The following ZMYM1 variants were observed in gnomAD, a reference collection of about 807,000 sequenced individuals.
ZMYM1 encodes zinc finger MYM-type containing 1, also known as zinc finger MYM-type protein 1.
ZMYM1 carries 39 observed loss-of-function variants against 60.0 expected under a neutral mutation model. That is an observed-to-expected ratio of 0.65 (90% CI 0.50 to 0.85). ZMYM1 has a LOEUF of 0.85. Among genes scored for constraint, ZMYM1 ranks in the 40% least tolerant of loss-of-function variants. ZMYM1 has a pLI of 0.00. For missense variants in ZMYM1, 1,171 were observed against 1,309.5 expected (o/e 0.89, Z 1.63); for synonymous variants, 413 against 454.0 (o/e 0.91, Z 1.15).
At chr1:35,087,157 A>G (rs925839225) in intron 1 of ZMYM1, among the ~76,000 whole-genome samples, 1 of 150,108 alleles carries the variant, frequency 6.7e-6, no homozygotes, top group Non-Finnish European at 1.5e-5. Context: ...CACCTGACTA[A>G]TTTTTTGAAT....
At chr1:35,092,418 T>C (rs1643073441) in intron 1 of ZMYM1, among the ~76,000 whole-genome samples, 1 of 150,900 alleles carries the variant, frequency 6.6e-6, no homozygotes. Flanking sequence ...TTTTTGTATT[T>C]TTAGTAGAGA....
chr1:35,067,646 G>A (rs536573040), intron 1 of ZMYM1, among the ~76,000 whole-genome samples: 21 of 152,120 alleles, frequency 1.4e-4, no homozygotes, highest in Middle Eastern at 3.4e-3. Context: ...AGGCCGAGGT[G>A]GGTGGATCAC....
At chr1:35,097,647 C>CT (rs1435252482) in intron 4 of ZMYM1, 81 bp downstream of exon 4, 1 of 1,553,512 alleles carries the variant, frequency 6.4e-7, no homozygotes, top group Non-Finnish European at 8.8e-7. Context: ...TCTACATTTT[C>CT]TTTTTTTATT....
chr1:35,103,045 G>A (rs1438908201), intron 4 of ZMYM1, among the ~76,000 whole-genome samples: 1 of 152,148 alleles, frequency 6.6e-6, no homozygotes, highest in African/African-American at 2.4e-5. Flanking sequence ...TGGTGCCACT[G>A]CCTTGATTTC....
intron 4 of ZMYM1, among the ~76,000 whole-genome samples, chr1:35,102,723 C>T (rs1313319694): frequency 1.3e-5 from 2 of 151,994 alleles, no homozygotes; most frequent in Admixed American, 6.6e-5. Context: ...AAATGTTTTC[C>T]ATGAAAAAAG....
chr1:35,078,931 A>G (rs867274599), upstream of ZMYM1: 4 of 151,748 alleles, frequency 2.6e-5, no homozygotes, highest in South Asian at 2.1e-4. Context: ...TTTTACTAGG[A>G]ATTTACTCTG....
chr1:35,080,463 C>T (rs1227769850), intron 1 of ZMYM1, among the ~76,000 whole-genome samples: 1 of 151,982 alleles, frequency 6.6e-6, no homozygotes, highest in East Asian at 1.9e-4. Context: ...ACAACAGGTG[C>T]TCCCCACTAC....
intron 6 of ZMYM1, among the ~76,000 whole-genome samples, chr1:35,108,862 C>T (rs1643989272): frequency 6.6e-6 from 1 of 152,036 alleles, no homozygotes; most frequent in South Asian, 2.1e-4. Flanking sequence ...AGGCATGCGC[C>T]ACCACACCTG....
At chr1:35,100,314 A>T (rs1359479889) in intron 4 of ZMYM1, among the ~76,000 whole-genome samples, 1 of 151,972 alleles carries the variant, frequency 6.6e-6, no homozygotes, top group Non-Finnish European at 1.5e-5. Flanking sequence ...GACATTTTAA[A>T]TCTTATTAGA....
intron 1 of ZMYM1, among the ~76,000 whole-genome samples, chr1:35,085,981 A>C (rs1642632833): frequency 6.6e-6 from 1 of 152,208 alleles, no homozygotes; most frequent in South Asian, 2.1e-4. Flanking sequence ...ACACCTTTGT[A>C]ATGACCAAAT....
At chr1:35,109,549 A>C (rs1403061173) in intron 6 of ZMYM1, among the ~76,000 whole-genome samples, 3 of 152,140 alleles carry the variant, frequency 2.0e-5, no homozygotes, top group African/African-American at 7.2e-5. Context: ...AGCCTAGAAA[A>C]ACAGTGATTC....
intron 4 of ZMYM1, among the ~76,000 whole-genome samples, chr1:35,102,304 ACT>A (rs1259147382): frequency 1.3e-5 from 2 of 152,084 alleles, no homozygotes; most frequent in Admixed American, 6.6e-5. Context: ...AACTTTTTGC[ACT>A]CTGTTATGTT....
intron 1 of ZMYM1, among the ~76,000 whole-genome samples, chr1:35,088,446 ATATATATATGTGTGTGTG>A (rs1475823552): frequency 7.7e-5 from 9 of 116,298 alleles, no homozygotes; most frequent in African/African-American, 3.1e-4. Flanking sequence ...ATATATATAT[ATATATATATGTGTGTGTG>A]TGTGTGTGTG....
rs1462155439 is a variant in ZMYM1, at chr1:35,113,329, C to T, written c.1499C>T (p.Thr500Ile). The change falls in exon 10 of 10, where the codon ACT (threonine) becomes ATT (isoleucine). Residue 500 changes from threonine to isoleucine, a missense_variant. By Grantham distance (89) the Thr-to-Ile change is moderately conservative. Transcript: ENST00000359858. ...AGAGAGTCATTTGCAACCCACGGAACTTCTAATTGGAAAAAAACCCTGGAA... is the reference window on the plus strand; with the variant it reads ...AGAGAGTCATTTGCAACCCACGGAATTTCTAATTGGAAAAAAACCCTGGAA... ...CGRESFATHG[T>I]SNWKKTLEKF... 1.2e-6 allele frequency: 2 copies of T among 1,612,710 alleles called. No individual in the cohort carries two copies. Among genetic ancestry groups the T allele is most frequent in the African/African-American group, 1.3e-5 (1 of 74,808 alleles).
upstream of ZMYM1, among the ~76,000 whole-genome samples, chr1:35,078,400 T>G (rs556017746): frequency 1.3e-5 from 2 of 152,216 alleles, no homozygotes; most frequent in East Asian, 3.9e-4. Flanking sequence ...CAACCTTATA[T>G]ATATATTTTA....
chr1:35,102,593 C>T (rs754506238), intron 4 of ZMYM1, among the ~76,000 whole-genome samples: 3 of 152,084 alleles, frequency 2.0e-5, no homozygotes, highest in East Asian at 1.9e-4. Context: ...TAAATACTGT[C>T]GTTTTACTTG....
rs756594070 is a variant in ZMYM1, at chr1:35,114,370, G to A, written c.2540G>A (p.Ser847Asn). ...AATACAAGTTTCGCCGATGAATTGA[G>A]TCATTTGCTGACATTGGTTTCCAAA... ...SSNTSFADEL[S>N]HLLTLVSKFE... The change falls in exon 10 of 10, where the codon AGT becomes AAT. Residue 847 changes from serine (S) to asparagine (N), a missense_variant. Ser to Asn is a conservative substitution (Grantham distance 46). Coordinates refer to ENST00000359858, the MANE Select transcript of ZMYM1 (RefSeq NM_024772.5). 37 of 1,612,524 alleles carry A rather than the reference G, an allele frequency of 2.3e-5. No individual in the cohort carries two copies. The Middle Eastern group carries it at 9.9e-4, about 43-fold the overall frequency.
At chr1:35,081,765 G>A (rs1215795227) in intron 1 of ZMYM1, among the ~76,000 whole-genome samples, 3 of 152,108 alleles carry the variant, frequency 2.0e-5, no homozygotes, top group East Asian at 1.9e-4. Context: ...GCACAATCTC[G>A]GCTCACTGTA....
Position 35,097,552 on chromosome 1 carries a change from TTCAAACTGC to T in ZMYM1, c.411_419del (p.Asn137_Ser139del). The T allele has an allele frequency of 6.2e-7, 1 of 1,614,188 alleles. No homozygotes were observed. Among genetic ancestry groups the T allele is most frequent in the Non-Finnish European group, 8.5e-7 (1 of 1,180,012 alleles). The stretch of plus-strand genomic sequence containing the variant: ...CACCAGTTCCTTCTAAGAGAACTTG[TTCAAACTGC>T]TCAAAGTATATAATTCTAAATTATG... On this transcript the variant is annotated inframe_deletion, in exon 4 of 10. Coordinates refer to ENST00000359858, the MANE Select transcript of ZMYM1 (RefSeq NM_024772.5).
Sources: gnomAD v4.1 joint callset for allele counts (sites outside exome capture counted in the v4.1 genomes callset) on GRCh38, gnomAD v4.1.1 for gene constraint, MANE v1.5 for transcripts, NCBI Gene and HGNC (gene_info 2026-07-23, HGNC 2026-07-21) for gene names.